GNG7: variants seen among roughly 807,000 people sequenced by gnomAD.
GNG7 encodes G protein subunit gamma 7, also known as guanine nucleotide-binding protein G(I)/G(S)/G(O) subunit gamma-7.
A neutral mutation model predicts 4.0 loss-of-function variants in GNG7; 1 was observed. That is an observed-to-expected ratio of 0.25 (90% CI 0.09 to 1.18). GNG7 has a LOEUF of 1.18. GNG7 is among the 50% of genes most tolerant of loss of function. The pLI is 0.50. For missense variants in GNG7, 86 were observed against 91.9 expected, an observed-to-expected ratio of 0.94 and a Z score of 0.26; for synonymous variants, 34 against 36.9, an observed-to-expected ratio of 0.92 and a Z score of 0.29.
chr19:2,558,100 G>A (rs544201229), intron 2 of GNG7, among the ~76,000 whole-genome samples: 4 of 151,410 alleles, frequency 2.6e-5, no homozygotes, highest in Non-Finnish European at 4.4e-5. Flanking sequence ...CTCGGCCTCC[G>A]AAAGTGCTGG....
chr19:2,643,256 C>A (rs1394397361), intron 2 of GNG7: 3 of 432,008 alleles, frequency 6.9e-6, no homozygotes, highest in South Asian at 1.8e-5. Flanking sequence ...CCTCTCCGGG[C>A]TCTGCACACC....
At position 2,618,585 on chromosome 19, in the gene GNG7, A is replaced by C. The variant is rs1981784556; in HGVS notation, c.-78+27639T>G. On this transcript the variant is annotated intron_variant, in intron 2 of 4. Transcript: ENST00000382159. The surrounding 1 kb of genome is among the most constrained non-coding windows in gnomAD (Gnocchi z 5.1). ...GCTGGTCTCGAACTCCTGACCTCAA[A>C]TGATCCACCCGCCTCGGCCTCCCAA... 6.6e-6 allele frequency among the ~76,000 whole-genome samples: 1 copy of C among 151,100 alleles called. No individual in the cohort carries two copies. Among genetic ancestry groups the C allele is most frequent in the South Asian group, 2.1e-4 (1 of 4,792 alleles).
At chr19:2,520,583 T>A (rs1978302738) in intron 4 of GNG7, 25 bp downstream of exon 4, 6 of 1,414,050 alleles carry the variant, frequency 4.2e-6, no homozygotes, top group Non-Finnish European at 4.9e-6. Flanking sequence ...TCTCCCCTCC[T>A]CTTCCTGATG....
At chr19:2,577,839 T>C (rs368489660) in intron 2 of GNG7, among the ~76,000 whole-genome samples, 2 of 141,704 alleles carry the variant, frequency 1.4e-5, no homozygotes, top group East Asian at 3.9e-4. Flanking sequence ...TATGGTGTTA[T>C]TTTCCTTTTT....
rs193288465 is a variant in GNG7 at position 2,522,609 on chromosome 19, G to A, written c.-37-1884C>T. 9.0e-3 allele frequency among the ~76,000 whole-genome samples: 1,359 copies of A among 151,536 alleles called. 18 individuals carry two copies. The highest frequency in any genetic ancestry group is 0.021 in the Admixed American group (312 of 15,208). ...CTAACACGGTGAAACCCCGTCTCCC[G>A]GGCGTGGTGGCGGGTGCCTGTAGTC... is the stretch of plus-strand genomic sequence containing the variant. On this transcript the variant is annotated intron_variant, in intron 3 of 4. Coordinates refer to ENST00000382159, the MANE Select transcript of GNG7 (RefSeq NM_052847.3).
chr19:2,533,455 G>A (rs1011869782), intron 3 of GNG7, among the ~76,000 whole-genome samples: 4 of 152,036 alleles, frequency 2.6e-5, no homozygotes, highest in Non-Finnish European at 4.4e-5. Context: ...GGGTGATGGC[G>A]ATGTTCTCTA....
Position 2,618,342 on chromosome 19 carries a change from G to T in GNG7, c.-78+27882C>A, listed in dbSNP as rs972504195. 8.7e-4 allele frequency among the ~76,000 whole-genome samples: 128 copies of T among 146,502 alleles called. No individual in the cohort carries two copies. Among genetic ancestry groups the T allele is most frequent in the African/African-American group, 2.5e-3 (98 of 39,962 alleles). On this transcript the variant is annotated intron_variant, in intron 2 of 4. Transcript: ENST00000382159. The surrounding 1 kb of genome is among the most constrained non-coding windows in gnomAD (Gnocchi z 5.1). ...TTCTCTTTTCTACCTGTATGTGTGT[G>T]GTGTGTGTGTGTGTGTGTGTGTGTG...
Position 2,511,752 on chromosome 19 carries a change from A to G in GNG7, c.*3270T>C. The G allele has an allele frequency of 1.0e-6, 1 of 957,810 alleles. No homozygotes were observed. The highest frequency in any genetic ancestry group is 1.2e-6 in the Non-Finnish European group (1 of 804,408). 59.3% of individuals were successfully genotyped at this position (957,810 alleles called of 1,614,324 possible). A position where few individuals can be genotyped will look rare whatever the true frequency, so the allele number is the denominator to read the frequency against. On this transcript the variant is annotated 3_prime_UTR_variant, in exon 5 of 5. Coordinates refer to ENST00000382159, the MANE Select transcript of GNG7 (RefSeq NM_052847.3). The surrounding 1 kb of genome is among the most constrained non-coding windows in gnomAD (Gnocchi z 6.3). ...AGGGACCACGCAGAAGGAGGGAAAC[A>G]GGAGCACCTTCCGCCCTGGCCCAGC...
At chr19:2,677,598 C>G (rs7258352) in intron 1 of GNG7, among the ~76,000 whole-genome samples, 46,303 of 151,862 alleles carry the variant, frequency 0.3, 7,954 homozygotes, top group East Asian at 0.56. Flanking sequence ...CCAGCTCCTG[C>G]GATTCTCCTC....
chr19:2,512,149 C>G lies in GNG7; in HGVS notation c.*2873G>C. On this transcript the variant is annotated 3_prime_UTR_variant, in exon 5 of 5. Coordinates refer to ENST00000382159, the MANE Select transcript of GNG7 (RefSeq NM_052847.3). This position sits in a 1 kb window ranked among gnomAD's most constrained non-coding sequence, Gnocchi z 4.7. ...CCTGGCGTAGCTGAGAGAGGCTTGT[C>G]CCCCCAAGGCTAGAGCTGCTGCTGC... 1 of 985,786 alleles carries G rather than the reference C, an allele frequency of 1.0e-6. No individual in the cohort carries two copies. Among genetic ancestry groups the G allele is most frequent in the South Asian group, 4.7e-5 (1 of 21,284 alleles). 61.1% of individuals were successfully genotyped at this position (985,786 alleles called of 1,614,324 possible). A position where few individuals can be genotyped will look rare whatever the true frequency, so the allele number is the denominator to read the frequency against.
intron 3 of GNG7, among the ~76,000 whole-genome samples, chr19:2,525,971 A>ATTTTCTTTTT (rs756144866): frequency 2.6e-5 from 2 of 75,684 alleles, no homozygotes; most frequent in Non-Finnish European, 4.6e-5. Flanking sequence ...CTCCACGCCA[A>ATTTTCTTTTT]TTTTTTTTTT....
At chr19:2,605,785 G>C (rs571437890) in intron 2 of GNG7, among the ~76,000 whole-genome samples, 1 of 150,774 alleles carries the variant, frequency 6.6e-6, no homozygotes, top group Non-Finnish European at 1.5e-5. Flanking sequence ...GTGCTGGGAT[G>C]ACAGGTGTGA....
chr19:2,590,713 T>TCATCCATCCATCCATCCACCCATC, intron 2 of GNG7, among the ~76,000 whole-genome samples: 1 of 68,370 alleles, frequency 1.5e-5, no homozygotes, highest in South Asian at 5.2e-4. Flanking sequence ...ATCCACCCAT[T>TCATCCATCCATCCATCCACCCATC]CATCCATCCA....
intron 2 of GNG7, among the ~76,000 whole-genome samples, chr19:2,606,239 C>T (rs970806826): frequency 5.3e-5 from 8 of 151,540 alleles, no homozygotes; most frequent in African/African-American, 1.5e-4. Context: ...ATTAGCTGGG[C>T]GTGGTGGTGT....
chr19:2,615,192 C>T (rs1472174060), intron 2 of GNG7, among the ~76,000 whole-genome samples: 7 of 150,854 alleles, frequency 4.6e-5, no homozygotes, highest in East Asian at 1.9e-4. Context: ...GACGGAGTCT[C>T]GCTCTGTCGC....
intron 2 of GNG7, among the ~76,000 whole-genome samples, chr19:2,637,212 T>TC (rs55756245): frequency 1.6e-4 from 24 of 150,956 alleles, no homozygotes; most frequent in African/African-American, 3.2e-4. Flanking sequence ...AGGAACAGGC[T>TC]CCCCCCGCCC....
intron 1 of GNG7, among the ~76,000 whole-genome samples, chr19:2,661,278 GAAA>G: frequency 4.0e-5 from 2 of 49,638 alleles, no homozygotes; most frequent in Admixed American, 2.3e-4. Flanking sequence ...AGAAAAGAAA[GAAA>G]GAAAGAAAGA....
intron 1 of GNG7, among the ~76,000 whole-genome samples, chr19:2,701,553 C>T (rs2144666524): frequency 6.6e-6 from 1 of 151,052 alleles, no homozygotes; most frequent in African/African-American, 2.4e-5. Context: ...CTTTGTCCTT[C>T]TGCCCCTTTT....
rs537855362 is a variant in GNG7, at chr19:2,557,386, C to T, written c.-77-2198G>A. 3.3e-5 allele frequency among the ~76,000 whole-genome samples: 5 copies of T among 152,168 alleles called. No homozygotes were observed. The highest frequency in any genetic ancestry group is 2.0e-4 in the Admixed American group (3 of 15,274). On this transcript the variant is annotated intron_variant, in intron 2 of 4. Coordinates refer to ENST00000382159, the MANE Select transcript of GNG7 (RefSeq NM_052847.3). The surrounding 1 kb of genome is among the most constrained non-coding windows in gnomAD (Gnocchi z 5.1). ...ACACACACGTGCACGCACACATGCA[C>T]GCAGGAGCGAGCGCCTCCACCCAGC...
Sources: gnomAD v4.1 joint callset for allele counts (sites outside exome capture counted in the v4.1 genomes callset) on GRCh38, gnomAD v4.1.1 for gene constraint, Gnocchi (gnomAD v3.1) non-coding constraint, MANE v1.5 for transcripts, NCBI Gene and HGNC (gene_info 2026-07-23, HGNC 2026-07-21) for gene names.